Variants in KCNIP3 observed in about 807,000 individuals in gnomAD.
The protein encoded by KCNIP3 is calsenilin.
Under a neutral mutation model 35.0 loss-of-function variants are expected in KCNIP3, and 28 were observed. That is an observed-to-expected ratio of 0.80 (90% CI 0.59 to 1.10). The LOEUF (loss-of-function observed/expected upper bound fraction) is 1.10. Ranked by LOEUF, KCNIP3 falls within the 50% of genes least tolerant of loss-of-function variation. The pLI is 0.00. For missense variants in KCNIP3, 295 were observed against 338.4 expected (o/e 0.87, Z 1.01); for synonymous variants, 134 against 133.8 (o/e 1.00, Z -0.01).
intron 2 of KCNIP3, among the ~76,000 whole-genome samples, chr2:95,352,413 G>T (rs2104274618): frequency 6.6e-6 from 1 of 152,208 alleles, no homozygotes; most frequent in East Asian, 1.9e-4. Context: ...AGCTGGGGAG[G>T]GCGGGAGTGA....
intron 2 of KCNIP3, among the ~76,000 whole-genome samples, chr2:95,353,133 G>A (rs1255364294): frequency 1.3e-5 from 2 of 152,226 alleles, no homozygotes; most frequent in Non-Finnish European, 1.5e-5. Flanking sequence ...TCTGGCTGGG[G>A]CAGGAGTGTC....
chr2:95,362,553 A>G (rs1351406135), intron 2 of KCNIP3, among the ~76,000 whole-genome samples: 5 of 152,220 alleles, frequency 3.3e-5, no homozygotes, highest in Admixed American at 6.5e-5. Flanking sequence ...TTGAGGGGAC[A>G]CAGTTCAATC....
At chr2:95,336,699 C>T (rs1679068018) in intron 2 of KCNIP3, among the ~76,000 whole-genome samples, 1 of 152,188 alleles carries the variant, frequency 6.6e-6, no homozygotes, top group Admixed American at 6.5e-5. Context: ...ATTTAAATTC[C>T]TGGCAAATCA....
At chr2:95,354,531 G>A (rs558841675) in intron 2 of KCNIP3, among the ~76,000 whole-genome samples, 1 of 152,258 alleles carries the variant, frequency 6.6e-6, no homozygotes, top group South Asian at 2.1e-4. Flanking sequence ...AGGTGTGATG[G>A]GGAAGAGGAG....
chr2:95,311,307 A>G (rs1381168713), intron 2 of KCNIP3: 1 of 152,628 alleles, frequency 6.6e-6, no homozygotes, highest in Non-Finnish European at 1.5e-5. Flanking sequence ...TCACATACAC[A>G]CACCACATGC....
chr2:95,382,130 C>T lies in KCNIP3; in HGVS notation c.556-247C>T, dbSNP rs1680362844. Among the ~76,000 whole-genome samples the T allele has an allele frequency of 6.6e-6, 1 of 152,192 alleles. No individual in the cohort carries two copies. The highest frequency in any genetic ancestry group is 1.5e-5 in the Non-Finnish European group (1 of 68,034). On this transcript the variant is annotated intron_variant, in intron 6 of 8. Coordinates refer to ENST00000295225, the MANE Select transcript of KCNIP3 (RefSeq NM_013434.5). The surrounding 1 kb of genome is among the most constrained non-coding windows in gnomAD (Gnocchi z 4.5). ...TTTGGTCCAAGCACTTTTTCTGCTG[C>T]CGCGTCACATTTTGGAGATAAGCAC... is the stretch of plus-strand genomic sequence containing the variant.
At chr2:95,357,501 G>C (rs535555267) in intron 2 of KCNIP3, among the ~76,000 whole-genome samples, 5 of 152,252 alleles carry the variant, frequency 3.3e-5, no homozygotes, top group African/African-American at 1.2e-4. Flanking sequence ...GCTGAGCTCC[G>C]GTCGTCTAGA....
Position 95,384,000 on chromosome 2 carries a change from A to C in KCNIP3, c.724-2A>C. On this transcript the variant is annotated splice_acceptor_variant, in intron 8 of 8. Transcript: ENST00000295225. LOFTEE classifies it high-confidence loss of function. ...AAGGCCTCCCTTCCTCTCTCCATGC[A>C]GGATGAGAACATCATGAGCTCCATG... 1 of 1,613,968 alleles carries C rather than the reference A, an allele frequency of 6.2e-7. No homozygotes were observed. Among genetic ancestry groups the C allele is most frequent in the Non-Finnish European group, 8.5e-7 (1 of 1,179,940 alleles).
At chr2:95,356,236 T>C (rs1174542896) in intron 2 of KCNIP3, among the ~76,000 whole-genome samples, 1 of 152,222 alleles carries the variant, frequency 6.6e-6, no homozygotes, top group Non-Finnish European at 1.5e-5. Context: ...TCATTGTAGA[T>C]TCTGGATATC....
intron 2 of KCNIP3, among the ~76,000 whole-genome samples, chr2:95,343,236 G>A (rs535866899): frequency 4.9e-4 from 75 of 152,296 alleles, no homozygotes; most frequent in African/African-American, 1.7e-3. Flanking sequence ...GAACAGCTGA[G>A]ATGGGGAGAC....
chr2:95,382,312 G>A lies in KCNIP3; in HGVS notation c.556-65G>A, dbSNP rs553668911. ...TGCCCTGCACCCTTGGATGCCGCCC[G>A]CTCCCTTTGGGCCCTCACAGCCACC... On this transcript the variant is annotated intron_variant, in intron 6 of 8. Transcript: ENST00000295225. The surrounding 1 kb of genome is among the most constrained non-coding windows in gnomAD (Gnocchi z 4.5). 1.8e-5 allele frequency: 19 copies of A among 1,080,248 alleles called. No individual in the cohort carries two copies. Among genetic ancestry groups the A allele is most frequent in the South Asian group, 1.5e-4 (9 of 60,252 alleles). The allele number at this position is 1,080,248 out of a possible 1,614,324, so 66.9% of individuals were successfully genotyped here.
In KCNIP3 at chr2:95,382,456, C is replaced by G. The variant is rs769083576; in HGVS notation, c.635C>G (p.Ala212Gly). The G allele has an allele frequency of 1.2e-6, 2 of 1,608,402 alleles. No individual in the cohort carries two copies. Among genetic ancestry groups the G allele is most frequent in the African/African-American group, 1.3e-5 (1 of 74,788 alleles). Residue 212 changes from alanine (A) to glycine (G), a missense_variant, in exon 7 of 9, where the codon GCG (alanine) becomes GGG (glycine). Physicochemically the swap from Ala to Gly is moderately conservative, Grantham distance 60. Coordinates refer to ENST00000295225, the MANE Select transcript of KCNIP3 (RefSeq NM_013434.5). This position sits in a 1 kb window ranked among gnomAD's most constrained non-coding sequence, Gnocchi z 4.5. ...CCCATCCTGCGGGAGGACGCGCCGG[C>G]GGAGCACGTGGAGAGGTTCTTCGAG... is the stretch of plus-strand genomic sequence containing the variant. ...TYPILREDAP[A>G]EHVERFFEKM...
In KCNIP3 at chr2:95,309,703, C is replaced by T. The variant is rs572698676; in HGVS notation, c.16-652C>T. On this transcript the variant is annotated intron_variant, in intron 1 of 8. Coordinates refer to ENST00000295225, the MANE Select transcript of KCNIP3 (RefSeq NM_013434.5). ...CCTCCTAAAGTGCTAGGATTACAGG[C>T]GTGAACCACCACGCCCGGCTGATCC... Among the ~76,000 whole-genome samples, 28 of 152,296 alleles carry T rather than the reference C, an allele frequency of 1.8e-4. 1 individual carries two copies. The highest frequency in any genetic ancestry group is 3.4e-4 in the Non-Finnish European group (23 of 68,032).
chr2:95,342,912 C>T (rs1352061088), intron 2 of KCNIP3, among the ~76,000 whole-genome samples: 1 of 152,220 alleles, frequency 6.6e-6, no homozygotes, highest in Non-Finnish European at 1.5e-5. Flanking sequence ...TCACCAGCCA[C>T]ACAGGCAAAC....
intron 2 of KCNIP3, among the ~76,000 whole-genome samples, chr2:95,349,993 T>C (rs1862897): frequency 0.78 from 118,001 of 152,100 alleles, 46,319 homozygotes; most frequent in African/African-American, 0.88. Context: ...GGGGTCCCAG[T>C]CCAGAAGGTC....
intron 2 of KCNIP3, among the ~76,000 whole-genome samples, chr2:95,334,122 T>C (rs1678999018): frequency 6.6e-6 from 1 of 152,232 alleles, no homozygotes; most frequent in South Asian, 2.1e-4. Flanking sequence ...TGAGAACACT[T>C]TGCGTCAGCA....
chr2:95,326,014 TACACATTCACTCATAC>T (rs1385173285), intron 2 of KCNIP3, among the ~76,000 whole-genome samples: 2 of 137,574 alleles, frequency 1.5e-5, no homozygotes, highest in Non-Finnish European at 3.2e-5. Context: ...GACACACACA[TACACATTCACTCATAC>T]ACACATACAC....
intron 3 of KCNIP3, among the ~76,000 whole-genome samples, 166 bp downstream of exon 3, chr2:95,374,586 C>T (rs947052390): frequency 5.3e-5 from 8 of 152,180 alleles, no homozygotes; most frequent in East Asian, 1.9e-4. Flanking sequence ...TCGCTGAGGC[C>T]GCCATGCTCC....
chr2:95,302,898 A>T (rs1192402625), intron 1 of KCNIP3: 1 of 152,668 alleles, frequency 6.6e-6, no homozygotes, highest in East Asian at 1.9e-4. Context: ...TCTGTTTTGC[A>T]TCCGTTAAGT....
Sources: gnomAD v4.1 joint callset for allele counts (sites outside exome capture counted in the v4.1 genomes callset) on GRCh38, gnomAD v4.1.1 for gene constraint, Gnocchi (gnomAD v3.1) non-coding constraint, MANE v1.5 for transcripts, NCBI Gene and HGNC (gene_info 2026-07-23, HGNC 2026-07-21) for gene names.